Variants in FSIP2 observed in about 807,000 individuals in gnomAD.
FSIP2 encodes fibrous sheath interacting protein 2.
In FSIP2, 367 loss-of-function variants were observed where a neutral mutation model predicts 510.5. The ratio of observed to expected loss-of-function variants is 0.72; its 90% CI spans 0.66 to 0.78. The LOEUF (loss-of-function observed/expected upper bound fraction) is 0.78. Ranked by LOEUF, FSIP2 falls within the 30% of genes least tolerant of loss-of-function variation. The probability of loss-of-function intolerance (pLI) is 0.00; values close to 1 mark genes in which losing one functional copy is unlikely to be tolerated. For missense variants in FSIP2, 7,594 were observed against 7,901.7 expected (o/e 0.96, Z 1.48); for synonymous variants, 2,601 against 2,732.2 (o/e 0.95, Z 1.50).
chr2:185,802,377 C>A lies in FSIP2; in HGVS notation c.13071C>A (p.Asp4357Glu), dbSNP rs1403140564. 1 of 1,532,128 alleles carries A rather than the reference C, an allele frequency of 6.5e-7. No individual in the cohort carries two copies. 94.9% of individuals were successfully genotyped at this position (1,532,128 alleles called of 1,614,324 possible). ...CTAAAATTCACATTCTCTATGATGACAAAGAACAGGCTTTCTTTTCTTTCA... is the reference window on the plus strand; with the variant it reads ...CTAAAATTCACATTCTCTATGATGAAAAAGAACAGGCTTTCTTTTCTTTCA... Reference protein sequence around the residue: ...NKAKIHILYDDKEQAFFSFNT... With the variant: ...NKAKIHILYDEKEQAFFSFNT... The change falls in exon 17 of 23, where the codon GAC (aspartate) becomes GAA (glutamate). Residue 4357 changes from aspartate (D) to glutamate (E), a missense_variant. Asp to Glu is a conservative substitution (Grantham distance 45). Transcript: ENST00000424728.
Position 185,833,289 on chromosome 2 carries a change from T to C in FSIP2, c.*63T>C. 1 of 1,326,290 alleles carries C rather than the reference T, an allele frequency of 7.5e-7. No individual in the cohort carries two copies. The highest frequency in any genetic ancestry group is 1.0e-6 in the Non-Finnish European group (1 of 958,802). The allele number at this position is 1,326,290 out of a possible 1,614,324, so 82.2% of individuals were successfully genotyped here. On this transcript the variant is annotated 3_prime_UTR_variant, in exon 23 of 23. Coordinates refer to ENST00000424728, the MANE Select transcript of FSIP2 (RefSeq NM_173651.4). ...AGAAAATAAAATGGTTTTTAAAGCA[T>C]AGTATAGCGTCTTATAAGATGATTC...
rs1159642838 is a variant in FSIP2 at position 185,803,927 on chromosome 2, C to A, written c.14621C>A (p.Ser4874Ter). 6.6e-7 allele frequency: 1 copy of A among 1,520,832 alleles called. No individual in the cohort carries two copies. Among genetic ancestry groups the A allele is most frequent in the South Asian group, 1.2e-5 (1 of 82,912 alleles). 94.2% of individuals were successfully genotyped at this position (1,520,832 alleles called of 1,614,324 possible). The change falls in exon 17 of 23, where the codon TCA (serine) becomes TAA (stop). Residue 4874 changes from serine to a stop codon, truncating the protein, a stop_gained. Coordinates refer to ENST00000424728, the MANE Select transcript of FSIP2 (RefSeq NM_173651.4). LOFTEE classifies it high-confidence loss of function. ...VDSIYADLSH[S>*]NIYQSITKDK... ...TCCATTTATGCTGATCTTTCTCATT[C>A]AAATATATACCAGTCCATTACAAAA... is the stretch of plus-strand genomic sequence containing the variant.
rs150085317 is a variant in FSIP2, at chr2:185,811,351, C to T, written c.19828-2194C>T. 8.4e-3 allele frequency among the ~76,000 whole-genome samples: 1,282 copies of T among 151,826 alleles called. 42 individuals are homozygous for T. Among genetic ancestry groups the T allele is most frequent in the Admixed American group, 0.057 (867 of 15,222 alleles). On this transcript the variant is annotated intron_variant, in intron 17 of 22. Coordinates refer to ENST00000424728, the MANE Select transcript of FSIP2 (RefSeq NM_173651.4). ...GGGCATGATGGCACACGCTTGTAGTCCCAGCTACTTCGGAGGCTGAGGCAT... is the reference window on the plus strand; with the variant it reads ...GGGCATGATGGCACACGCTTGTAGTTCCAGCTACTTCGGAGGCTGAGGCAT...
At position 185,795,791 on chromosome 2, in the gene FSIP2, G is replaced by T. The variant is rs1033905436; in HGVS notation, c.8655G>T (p.Leu2885Phe). 1.3e-6 allele frequency: 2 copies of T among 1,533,200 alleles called. No individual in the cohort carries two copies. The highest frequency in any genetic ancestry group is 2.0e-5 in the Admixed American group (1 of 50,832). The allele number at this position is 1,533,200 out of a possible 1,614,324, so 95.0% of individuals were successfully genotyped here. A position where few individuals can be genotyped will look rare whatever the true frequency, so the allele number is the denominator to read the frequency against. The change falls in exon 16 of 23, where the codon TTG (leucine) becomes TTT (phenylalanine). Residue 2885 changes from leucine (L) to phenylalanine (F), a missense_variant. Leu to Phe is a conservative substitution (Grantham distance 22). Coordinates refer to ENST00000424728, the MANE Select transcript of FSIP2 (RefSeq NM_173651.4). ...AATATTCTCTTTCACTTTTAAATTT[G>T]CCCCCTCTTGAGAATTGTGAAAGCA... Reference protein sequence around the residue: ...ELEYSLSLLNLPPLENCESRF... With the variant: ...ELEYSLSLLNFPPLENCESRF...
intron 7 of FSIP2, among the ~76,000 whole-genome samples, chr2:185,748,883 TCATTA>T (rs1341750764): frequency 6.6e-6 from 1 of 152,124 alleles, no homozygotes; most frequent in Non-Finnish European, 1.5e-5. Context: ...CCTTTGTGTT[TCATTA>T]CATTATTATG....
In FSIP2 at chr2:185,768,498, C is replaced by T. The variant is rs529257619; in HGVS notation, c.1411+3933C>T. On this transcript the variant is annotated intron_variant, in intron 13 of 22. Transcript: ENST00000424728. ...GCCTGTGGACATACCGTTTTCCCAA[C>T]AACATTTATTGAAAAAATTATCTTT... 1.1e-3 allele frequency among the ~76,000 whole-genome samples: 163 copies of T among 152,256 alleles called. 2 individuals are homozygous for T. Among genetic ancestry groups the T allele is most frequent in the Admixed American group, 3.5e-3 (53 of 15,284 alleles).
chr2:185,758,229 AT>A (rs1692281921), intron 9 of FSIP2, among the ~76,000 whole-genome samples: 3 of 151,196 alleles, frequency 2.0e-5, no homozygotes, highest in African/African-American at 2.4e-5. Flanking sequence ...ATCAAAAGAA[AT>A]TTGAAATTTT....
At chr2:185,831,011 T>G (rs1456734544) in intron 21 of FSIP2, among the ~76,000 whole-genome samples, 1 of 151,954 alleles carries the variant, frequency 6.6e-6, no homozygotes, top group Admixed American at 6.6e-5. Flanking sequence ...TTCCAATAGC[T>G]TAATACATGA....
Position 185,796,242 on chromosome 2 carries a change from A to T in FSIP2, c.9106A>T (p.Asn3036Tyr). Residue 3036 changes from asparagine (N) to tyrosine (Y), a missense_variant, in exon 16 of 23, where the codon AAC becomes TAC. Physicochemically the swap from Asn to Tyr is moderately radical, Grantham distance 143. Transcript: ENST00000424728. ...NLSSIQQKLL[N>Y]KKMLPKLQPL... ...TTCTTCTATCCAACAGAAACTGTTAAACAAAAAAATGTTGCCAAAATTACA... is the reference window on the plus strand; with the variant it reads ...TTCTTCTATCCAACAGAAACTGTTATACAAAAAAATGTTGCCAAAATTACA... 6.5e-7 allele frequency: 1 copy of T among 1,531,132 alleles called. No homozygotes were observed. The highest frequency in any genetic ancestry group is 8.7e-7 in the Non-Finnish European group (1 of 1,145,128). The allele number at this position is 1,531,132 out of a possible 1,614,324, so 94.8% of individuals were successfully genotyped here.
At position 185,753,751 on chromosome 2, in the gene FSIP2, T is replaced by C; in HGVS notation, c.900T>C (p.Ala300=). 1 of 1,345,544 alleles carries C rather than the reference T, an allele frequency of 7.4e-7. No individual in the cohort carries two copies. Among genetic ancestry groups the C allele is most frequent in the Admixed American group, 2.2e-5 (1 of 44,930 alleles). The allele number at this position is 1,345,544 out of a possible 1,614,324, so 83.4% of individuals were successfully genotyped here. The change falls in exon 8 of 23, where the codon GCT becomes GCC. Residue 300 remains alanine (A), a synonymous_variant. Transcript: ENST00000424728. ...AAGATCTTCTAGAGAAAAAAATGGC[T>C]TATCATTTACAAAAAATGCAAGATA... ...KKQDLLEKKM[A]YHLQKMQDTG...
chr2:185,827,253 T>C (rs1235024878), intron 20 of FSIP2, among the ~76,000 whole-genome samples: 1 of 151,884 alleles, frequency 6.6e-6, no homozygotes, highest in Non-Finnish European at 1.5e-5. Context: ...ATTGAGATTT[T>C]ACTATTACTT....
At position 185,805,094 on chromosome 2, in the gene FSIP2, G is replaced by T. The variant is rs760930281; in HGVS notation, c.15788G>T (p.Gly5263Val). Residue 5263 changes from glycine (G) to valine (V), a missense_variant, in exon 17 of 23, where the codon GGT becomes GTT. By Grantham distance (109) the Gly-to-Val change is moderately radical. Coordinates refer to ENST00000424728, the MANE Select transcript of FSIP2 (RefSeq NM_173651.4). ...CATGTCTCTGAACTTGCTAAATCTG[G>T]TAAAGAAAAGACACAGCCTTCTCTC... ...YDHVSELAKS[G>V]KEKTQPSLYS... 27 of 1,605,854 alleles carry T rather than the reference G, an allele frequency of 1.7e-5. No homozygotes were observed. The highest frequency in any genetic ancestry group is 2.3e-5 in the Non-Finnish European group (27 of 1,176,954).
In FSIP2 at chr2:185,794,791, T is replaced by G; in HGVS notation, c.7655T>G (p.Leu2552Trp). The G allele has an allele frequency of 6.5e-7, 1 of 1,533,902 alleles. No homozygotes were observed. The highest frequency in any genetic ancestry group is 8.7e-7 in the Non-Finnish European group (1 of 1,145,412). ...GAAAGTGTTTTGGGGAAAATGTACT[T>G]GGTAGTTGTGACATCATTATATGAA... ...IVESVLGKMY[L>W]VVVTSLYENN... The change falls in exon 16 of 23, where the codon TTG (leucine) becomes TGG (tryptophan). Residue 2552 changes from leucine (L) to tryptophan (W), a missense_variant. By Grantham distance (61) the Leu-to-Trp change is moderately conservative. Coordinates refer to ENST00000424728, the MANE Select transcript of FSIP2 (RefSeq NM_173651.4).
At chr2:185,746,019 T>G (rs1489328798) in intron 5 of FSIP2, among the ~76,000 whole-genome samples, 1 of 152,128 alleles carries the variant, frequency 6.6e-6, no homozygotes, top group Non-Finnish European at 1.5e-5. Context: ...TCAGTCATAT[T>G]CAATCATGGC....
intron 20 of FSIP2, among the ~76,000 whole-genome samples, chr2:185,826,484 T>C (rs1239139734): frequency 6.6e-6 from 1 of 151,866 alleles, no homozygotes; most frequent in African/African-American, 2.4e-5. Flanking sequence ...TACTTTCAGA[T>C]CTTGGCTCAA....
intron 13 of FSIP2, among the ~76,000 whole-genome samples, chr2:185,769,387 ATTGGGCT>A (rs1692562463): frequency 6.6e-6 from 1 of 152,110 alleles, no homozygotes; most frequent in South Asian, 2.1e-4. Flanking sequence ...GATCAGTGAT[ATTGGGCT>A]TTTTTAAATA....
rs929915163 is a variant in FSIP2 at position 185,738,832 on chromosome 2, A to C, written c.-63A>C. On this transcript the variant is annotated 5_prime_UTR_variant, in exon 1 of 23. Transcript: ENST00000424728. ...CCTGGTCAGGTCCGGACAGAGGGAC[A>C]ACGGGGTGCTAGAGAAGGAGAGCGG... The C allele has an allele frequency of 4.6e-6, 7 of 1,535,744 alleles. No homozygotes were observed. Among genetic ancestry groups the C allele is most frequent in the Non-Finnish European group, 6.1e-6 (7 of 1,146,756 alleles).
intron 21 of FSIP2, among the ~76,000 whole-genome samples, chr2:185,830,683 T>C (rs1233993637): frequency 6.6e-6 from 1 of 151,874 alleles, no homozygotes; most frequent in Non-Finnish European, 1.5e-5. Context: ...TCGGTATACA[T>C]GCAACCATCC....
chr2:185,791,540 G>C lies in FSIP2; in HGVS notation c.4404G>C (p.Lys1468Asn). The C allele has an allele frequency of 6.5e-7, 1 of 1,534,370 alleles. No homozygotes were observed. Among genetic ancestry groups the C allele is most frequent in the South Asian group, 1.2e-5 (1 of 84,030 alleles). The change falls in exon 16 of 23, where the codon AAG (lysine) becomes AAC (asparagine). Residue 1468 changes from lysine to asparagine, a missense_variant. Coordinates refer to ENST00000424728, the MANE Select transcript of FSIP2 (RefSeq NM_173651.4). The part of the protein sequence containing the change: ...CSQQSREMTN[K>N]NQKMAAALQS... ...AACAAAGCAGAGAGATGACCAATAA[G>C]AATCAGAAAATGGCTGCTGCATTGC...
Sources: allele counts gnomAD v4.1 joint callset (sites outside exome capture counted in the v4.1 genomes callset), GRCh38; gene constraint gnomAD v4.1.1; transcripts MANE v1.5; gene names NCBI Gene and HGNC (gene_info 2026-07-23, HGNC 2026-07-21).